The following PLXNA4 variants were observed in gnomAD, a reference collection of about 807,000 sequenced individuals.
The protein encoded by PLXNA4 is plexin-A4.
PLXNA4 carries 44 observed loss-of-function variants against 191.8 expected under a neutral mutation model. The ratio of observed to expected loss-of-function variants is 0.23; its 90% CI spans 0.18 to 0.29. PLXNA4 has a LOEUF of 0.29. Among genes scored for constraint, PLXNA4 ranks in the 10% least tolerant of loss-of-function variants. The pLI, the probability that PLXNA4 is intolerant of heterozygous loss-of-function variation, is 1.00. For synonymous variants in PLXNA4, 1,082 were observed against 1,009.5 expected (o/e 1.07, Z -1.36); for missense variants, 1,800 against 2,488.8 (o/e 0.72, Z 5.89).
chr7:132,215,373 T>C (rs1171102293), intron 9 of PLXNA4, among the ~76,000 whole-genome samples: 1 of 152,214 alleles, frequency 6.6e-6, no homozygotes, highest in Non-Finnish European at 1.5e-5. Context: ...AATGAAGGGA[T>C]TGGTTTGGAT....
At chr7:132,443,388 A>G (rs1201030345) in intron 3 of PLXNA4, among the ~76,000 whole-genome samples, 1 of 152,148 alleles carries the variant, frequency 6.6e-6, no homozygotes, top group African/African-American at 2.4e-5. Context: ...GTTTAAATCA[A>G]CTAGGCAATT....
chr7:132,351,474 G>A (rs932512678), intron 3 of PLXNA4, among the ~76,000 whole-genome samples: 16 of 152,268 alleles, frequency 1.1e-4, no homozygotes, highest in African/African-American at 3.1e-4. Flanking sequence ...TGGCCACCCC[G>A]TCATCTCTAG....
intron 3 of PLXNA4, among the ~76,000 whole-genome samples, chr7:132,480,573 C>G (rs980875568): frequency 6.6e-6 from 1 of 151,884 alleles, no homozygotes; most frequent in Non-Finnish European, 1.5e-5. Context: ...TGGGCCCAGT[C>G]TGTCACAGGA....
At chr7:132,441,500 G>A (rs964018915) in intron 3 of PLXNA4, among the ~76,000 whole-genome samples, 4 of 152,164 alleles carry the variant, frequency 2.6e-5, no homozygotes, top group African/African-American at 7.2e-5. Flanking sequence ...CCCCACTGAT[G>A]TTCCCTAGCT....
At chr7:132,186,926 A>G (rs56949350) in intron 15 of PLXNA4, among the ~76,000 whole-genome samples, 23,160 of 152,104 alleles carry the variant, frequency 0.15, 2,888 homozygotes, top group African/African-American at 0.35. Context: ...AAGCAACAAG[A>G]GGCCACAAGA....
intron 3 of PLXNA4, among the ~76,000 whole-genome samples, chr7:132,451,845 C>T (rs979836961): frequency 1.3e-5 from 2 of 152,204 alleles, no homozygotes; most frequent in South Asian, 4.1e-4. Flanking sequence ...GTGGGAAGGG[C>T]AAGTTCATTG....
At chr7:132,415,586 AC>A (rs1794632149) in intron 3 of PLXNA4, among the ~76,000 whole-genome samples, 1 of 152,186 alleles carries the variant, frequency 6.6e-6, no homozygotes, top group Admixed American at 6.5e-5. Context: ...AGCCTGCAAA[AC>A]ATAACTCTAA....
At position 132,524,871 on chromosome 7, in the gene PLXNA4, T is replaced by G. The variant is rs183062235; in HGVS notation, c.-86-16092A>C. 7.7e-4 allele frequency among the ~76,000 whole-genome samples: 117 copies of G among 152,194 alleles called. 2 individuals carry two copies. The highest frequency in any genetic ancestry group is 6.3e-3 in the Admixed American group (97 of 15,302). ...CATGAGCCATTGTGCCTGGCAAGACTTTTTTCAAAAAAAACATATTAACAT... is the reference window on the plus strand; with the variant it reads ...CATGAGCCATTGTGCCTGGCAAGACGTTTTTCAAAAAAAACATATTAACAT... On this transcript the variant is annotated intron_variant, in intron 1 of 31. Coordinates refer to ENST00000321063, the MANE Select transcript of PLXNA4 (RefSeq NM_020911.2).
chr7:132,526,337 C>G (rs535316353), intron 1 of PLXNA4, among the ~76,000 whole-genome samples: 3 of 152,176 alleles, frequency 2.0e-5, no homozygotes, highest in Non-Finnish European at 2.9e-5. Flanking sequence ...GATGCCTGCA[C>G]GCCTGTGACA....
intron 3 of PLXNA4, among the ~76,000 whole-genome samples, chr7:132,332,189 G>A (rs886818023): frequency 2.6e-5 from 4 of 152,292 alleles, no homozygotes; most frequent in Admixed American, 1.3e-4. Flanking sequence ...TGGTGCCCAC[G>A]TCGAGTGTGG....
intron 1 of PLXNA4, among the ~76,000 whole-genome samples, chr7:132,571,397 G>A (rs1286825918): frequency 1.3e-5 from 2 of 152,316 alleles, no homozygotes; most frequent in South Asian, 2.1e-4. Context: ...GCACCAACAT[G>A]CGATGAGTCT....
intron 10 of PLXNA4, among the ~76,000 whole-genome samples, chr7:132,206,214 A>G (rs1015220591): frequency 3.3e-5 from 5 of 152,258 alleles, no homozygotes; most frequent in African/African-American, 1.2e-4. Context: ...GATCATGCAC[A>G]GCATGCTCCG....
At chr7:132,378,413 T>G (rs990766656) in intron 3 of PLXNA4, among the ~76,000 whole-genome samples, 2 of 152,182 alleles carry the variant, frequency 1.3e-5, no homozygotes, top group African/African-American at 4.8e-5. Context: ...CATTGGTTGA[T>G]GCCAAAGTTC....
rs751427365 is a variant in PLXNA4 at position 132,211,119 on chromosome 7, C to T, written c.2122G>A (p.Asp708Asn). The change falls in exon 10 of 32, where the codon GAC becomes AAC. Residue 708 changes from aspartate (D) to asparagine (N), a missense_variant. Transcript: ENST00000321063. ...ACCTCCACGGGCACCAGGATCTTGT[C>T]CACTCGCAGCAGCTGGGGGCAGTCC... is the stretch of plus-strand genomic sequence containing the variant. ...PEDCPQLLRV[D>N]KILVPVEVIK... 5 of 1,565,892 alleles carry T rather than the reference C, an allele frequency of 3.2e-6. No individual in the cohort carries two copies. The highest frequency in any genetic ancestry group is 4.3e-6 in the Non-Finnish European group (5 of 1,154,928).
At chr7:132,220,423 C>T (rs991236501) in intron 9 of PLXNA4, among the ~76,000 whole-genome samples, 1 of 152,126 alleles carries the variant, frequency 6.6e-6, no homozygotes, top group African/African-American at 2.4e-5. Flanking sequence ...AATAAATAAA[C>T]ATCCAAGGTA....
chr7:132,188,552 G>A (rs931057516), intron 14 of PLXNA4, among the ~76,000 whole-genome samples: 3 of 152,072 alleles, frequency 2.0e-5, no homozygotes, highest in Non-Finnish European at 2.9e-5. Context: ...TGGCACATGC[G>A]CCTCCAGGTC....
chr7:132,215,096 C>T (rs1055620053), intron 9 of PLXNA4, among the ~76,000 whole-genome samples: 1 of 152,160 alleles, frequency 6.6e-6, no homozygotes, highest in Non-Finnish European at 1.5e-5. Context: ...TGCAAATACC[C>T]CAGCAGTTCC....
chr7:132,363,856 G>A (rs1280804891), intron 3 of PLXNA4, among the ~76,000 whole-genome samples: 2 of 152,266 alleles, frequency 1.3e-5, no homozygotes, highest in Admixed American at 1.3e-4. Context: ...GATAAAGGTT[G>A]AAGAAATTCA....
intron 21 of PLXNA4, among the ~76,000 whole-genome samples, chr7:132,173,304 G>A (rs925149030): frequency 6.6e-6 from 1 of 152,128 alleles, no homozygotes; most frequent in African/African-American, 2.4e-5. Flanking sequence ...CAAGATCAAG[G>A]AAATGGGTAG....
Sources: gnomAD v4.1 joint callset for allele counts (sites outside exome capture counted in the v4.1 genomes callset) on GRCh38, gnomAD v4.1.1 for gene constraint, MANE v1.5 for transcripts, NCBI Gene and HGNC (gene_info 2026-07-23, HGNC 2026-07-21) for gene names.